Variants in RUNX2 observed in about 807,000 individuals in gnomAD.
RUNX2 encodes the protein runt-related transcription factor 2.
A neutral mutation model predicts 51.7 loss-of-function variants in RUNX2; 10 were observed. That is an observed-to-expected ratio of 0.19 (90% CI 0.12 to 0.33). The LOEUF (loss-of-function observed/expected upper bound fraction) is 0.33, where lower values mean the gene tolerates loss of function less well. RUNX2 is among the 10% of genes least tolerant of loss of function. RUNX2 has a pLI of 1.00. For missense variants in RUNX2, 562 were observed against 691.3 expected, an observed-to-expected ratio of 0.81 and a Z score of 2.10; for synonymous variants, 276 against 273.6, an observed-to-expected ratio of 1.01 and a Z score of -0.09.
intron 2 of RUNX2, among the ~76,000 whole-genome samples, chr6:45,368,518 A>G (rs2150296046): frequency 6.6e-6 from 1 of 152,310 alleles, no homozygotes; most frequent in South Asian, 2.1e-4. Flanking sequence ...CTGGGTTTCT[A>G]GTTAGATCTC....
intron 2 of RUNX2, among the ~76,000 whole-genome samples, chr6:45,336,561 G>A (rs1788586926): frequency 1.3e-5 from 2 of 151,220 alleles, no homozygotes; most frequent in South Asian, 4.2e-4. Context: ...CAAAATACTT[G>A]GCTTAAATTG....
At chr6:45,486,157 T>A (rs577853865) in intron 5 of RUNX2, among the ~76,000 whole-genome samples, 1 of 152,158 alleles carries the variant, frequency 6.6e-6, no homozygotes, top group African/African-American at 2.4e-5. Context: ...AAGTACCACT[T>A]CCTTAATATT....
intron 2 of RUNX2, among the ~76,000 whole-genome samples, chr6:45,366,077 C>T (rs548181000): frequency 3.2e-4 from 49 of 152,104 alleles, no homozygotes; most frequent in Non-Finnish European, 4.0e-4. Context: ...TAGGTAAACC[C>T]TCATCTATTA....
intron 7 of RUNX2, among the ~76,000 whole-genome samples, chr6:45,533,356 C>A (rs1272316307): frequency 6.6e-6 from 1 of 152,140 alleles, no homozygotes; most frequent in Non-Finnish European, 1.5e-5. Flanking sequence ...GAGAACAAGG[C>A]TCTATGTAAC....
chr6:45,381,266 G>A (rs1004614965), intron 2 of RUNX2, among the ~76,000 whole-genome samples: 1 of 152,124 alleles, frequency 6.6e-6, no homozygotes, highest in African/African-American at 2.4e-5. Flanking sequence ...CCCAGTTTTT[G>A]TATCTGTGGA....
intron 6 of RUNX2, among the ~76,000 whole-genome samples, 154 bp downstream of exon 6, chr6:45,492,268 T>C (rs1295776617): frequency 6.6e-6 from 1 of 152,146 alleles, no homozygotes; most frequent in Non-Finnish European, 1.5e-5. Flanking sequence ...TCTTCTTTTT[T>C]ATTAAAAAAA....
intron 2 of RUNX2, among the ~76,000 whole-genome samples, chr6:45,398,853 T>G (rs560164000): frequency 1.3e-4 from 20 of 152,226 alleles, no homozygotes; most frequent in Non-Finnish European, 2.6e-4. Context: ...ATTTTAGACA[T>G]GAGGACGTTG....
intron 2 of RUNX2, among the ~76,000 whole-genome samples, chr6:45,338,535 G>C (rs1240451852): frequency 1.3e-5 from 2 of 152,004 alleles, no homozygotes; most frequent in African/African-American, 4.8e-5. Context: ...GCTGCCAGTA[G>C]GTAAAACAAC....
At chr6:45,417,314 C>T (rs1345915629) in intron 2 of RUNX2, among the ~76,000 whole-genome samples, 1 of 150,366 alleles carries the variant, frequency 6.7e-6, no homozygotes, top group Non-Finnish European at 1.5e-5. Context: ...TTAATGTGTT[C>T]CCACTATATT....
At chr6:45,404,305 A>G (rs1251751248) in intron 2 of RUNX2, among the ~76,000 whole-genome samples, 1 of 129,510 alleles carries the variant, frequency 7.7e-6, no homozygotes, top group Non-Finnish European at 1.7e-5. Context: ...AAAAGGAAAA[A>G]AAAGAAAAAA....
intron 2 of RUNX2, among the ~76,000 whole-genome samples, chr6:45,337,779 T>C (rs751379591): frequency 6.6e-6 from 1 of 151,990 alleles, no homozygotes; most frequent in Non-Finnish European, 1.5e-5. Context: ...TTATGTTTAT[T>C]TTTGTTTATT....
At chr6:45,336,114 T>G (rs1788493428) in intron 2 of RUNX2, among the ~76,000 whole-genome samples, 1 of 151,354 alleles carries the variant, frequency 6.6e-6, no homozygotes, top group Admixed American at 6.6e-5. Context: ...CCCAGAATTC[T>G]TCTATTCTCC....
At chr6:45,452,196 T>G (rs1799192953) in intron 5 of RUNX2, among the ~76,000 whole-genome samples, 1 of 152,166 alleles carries the variant, frequency 6.6e-6, no homozygotes, top group African/African-American at 2.4e-5. Context: ...GGGGAGAAAT[T>G]AAAAACATTT....
intron 5 of RUNX2, among the ~76,000 whole-genome samples, chr6:45,444,923 T>A (rs967305434): frequency 6.6e-6 from 1 of 152,210 alleles, no homozygotes; most frequent in Non-Finnish European, 1.5e-5. Flanking sequence ...GCAGCTCGCT[T>A]TTATCCTCCA....
At chr6:45,477,207 C>T (rs1284624380) in intron 5 of RUNX2, among the ~76,000 whole-genome samples, 1 of 152,168 alleles carries the variant, frequency 6.6e-6, no homozygotes, top group Non-Finnish European at 1.5e-5. Flanking sequence ...TTGTGTTCCT[C>T]TTCCTTGCCT....
intron 2 of RUNX2, among the ~76,000 whole-genome samples, chr6:45,352,678 A>G (rs1362076622): frequency 6.6e-6 from 1 of 152,182 alleles, no homozygotes; most frequent in Non-Finnish European, 1.5e-5. Context: ...TATTCTGTTT[A>G]TAAGTAGTCA....
At chr6:45,448,738 A>G (rs1201496038) in intron 5 of RUNX2, among the ~76,000 whole-genome samples, 2 of 152,120 alleles carry the variant, frequency 1.3e-5, no homozygotes, top group Non-Finnish European at 2.9e-5. Context: ...ATGAGATACA[A>G]TCTGGGTAAA....
chr6:45,437,838 A>G (rs1207424398), intron 4 of RUNX2, 109 bp from the exon 5 acceptor site: 2 of 822,358 alleles, frequency 2.4e-6, no homozygotes, highest in Admixed American at 1.7e-5. Flanking sequence ...TCTTTGTTTC[A>G]TTGCCTCCTT....
chr6:45,404,716 A>G (rs1012810716), intron 2 of RUNX2, among the ~76,000 whole-genome samples: 1 of 152,260 alleles, frequency 6.6e-6, no homozygotes, highest in Non-Finnish European at 1.5e-5. Context: ...AAAAAAGTAT[A>G]TTAGATTTTA....
Sources: gnomAD v4.1 joint callset for allele counts (sites outside exome capture counted in the v4.1 genomes callset) on GRCh38, gnomAD v4.1.1 for gene constraint, MANE v1.5 for transcripts, NCBI Gene and HGNC (gene_info 2026-07-23, HGNC 2026-07-21) for gene names.